The following DEPDC5 variants were observed in gnomAD, a reference collection of about 807,000 sequenced individuals.
DEPDC5 encodes GATOR1 complex protein DEPDC5.
In DEPDC5, 73 loss-of-function variants were observed where a neutral mutation model predicts 217.3. The observed-to-expected ratio is 0.34, with a 90% CI of 0.28 to 0.41. DEPDC5 has a LOEUF of 0.41. DEPDC5 is among the 10% of genes least tolerant of loss of function. DEPDC5 has a pLI of 1.00. For missense variants in DEPDC5, 1,675 were observed against 2,070.1 expected (o/e 0.81, Z 3.70); for synonymous variants, 733 against 756.7 (o/e 0.97, Z 0.51).
chr22:31,797,504 C>A, intron 12 of DEPDC5, 96 bp from the exon 13 acceptor site: 1 of 985,182 alleles, frequency 1.0e-6, no homozygotes, highest in Non-Finnish European at 1.6e-6. Context: ...TCCCTCGACA[C>A]ATGGGTATTA....
intron 28 of DEPDC5, 47 bp from the exon 29 acceptor site, chr22:31,843,598 T>A: frequency 6.4e-7 from 1 of 1,566,660 alleles, no homozygotes; most frequent in Non-Finnish European, 8.7e-7. Context: ...TGGCAGGAAT[T>A]TGTCTCTAAC....
chr22:31,846,825 C>G lies in DEPDC5; in HGVS notation c.3022-9C>G. ...GGCTGATGGCCTTGTCTCCTCTTCT[C>G]TGCTTTAGAAAGGGACCGCCATGAA... On this transcript the variant is annotated splice_polypyrimidine_tract_variant and intron_variant, in intron 30 of 42. Coordinates refer to ENST00000651528, the MANE Select transcript of DEPDC5 (RefSeq NM_001242896.3). The G allele has an allele frequency of 6.2e-7, 1 of 1,614,220 alleles. No homozygotes were observed. The highest frequency in any genetic ancestry group is 2.2e-5 in the East Asian group (1 of 44,886).
chr22:31,891,235 C>T (rs1021706298), intron 38 of DEPDC5: 13 of 581,936 alleles, frequency 2.2e-5, no homozygotes, highest in African/African-American at 5.7e-5. Flanking sequence ...TCGACAATAA[C>T]GTGTTCTAGT....
chr22:31,819,357 T>G (rs1406654853), intron 22 of DEPDC5, 132 bp downstream of exon 22: 3 of 922,344 alleles, frequency 3.3e-6, no homozygotes, highest in Admixed American at 2.4e-5. Flanking sequence ...CATGCCCACT[T>G]TGGCCATCCC....
intron 38 of DEPDC5, among the ~76,000 whole-genome samples, chr22:31,891,968 A>G (rs1438364007): frequency 4.6e-5 from 7 of 152,214 alleles, no homozygotes; most frequent in African/African-American, 1.4e-4. Flanking sequence ...TAGGATGAGT[A>G]AGCTTGGTAC....
intron 33 of DEPDC5, among the ~76,000 whole-genome samples, chr22:31,864,813 C>T (rs1435741600): frequency 1.3e-5 from 2 of 152,062 alleles, no homozygotes; most frequent in Admixed American, 1.3e-4. Flanking sequence ...CTCAGCCTCC[C>T]AGGTAGCTAG....
At chr22:31,804,718 G>A in intron 16 of DEPDC5, 124 bp from the exon 17 acceptor site, 1 of 898,428 alleles carries the variant, frequency 1.1e-6, no homozygotes, top group South Asian at 1.6e-5. Context: ...GGGATTACAG[G>A]CATGACCCAC....
chr22:31,856,155 GCA>G (rs136863), intron 31 of DEPDC5, among the ~76,000 whole-genome samples: 1,478 of 140,616 alleles, frequency 0.011, 15 homozygotes, highest in Admixed American at 0.019. Flanking sequence ...GGGCCAACGC[GCA>G]CACACACACA....
rs753311813 is a variant in DEPDC5 at position 31,760,364 on chromosome 22, G to A, written c.147-292G>A. Among the ~76,000 whole-genome samples, 24 of 151,760 alleles carry A rather than the reference G, an allele frequency of 1.6e-4. 1 individual carries two copies. The highest frequency in any genetic ancestry group is 2.9e-4 in the Non-Finnish European group (20 of 67,946). On this transcript the variant is annotated intron_variant, in intron 3 of 42. Coordinates refer to ENST00000651528, the MANE Select transcript of DEPDC5 (RefSeq NM_001242896.3). The stretch of plus-strand genomic sequence containing the variant: ...ATTACAGGCATGAGCCACCACACCC[G>A]GCCTAATTTTTTCTATTTTTTAGTA...
chr22:31,774,187 G>C (rs971814389), intron 7 of DEPDC5, among the ~76,000 whole-genome samples: 1 of 151,086 alleles, frequency 6.6e-6, no homozygotes, highest in African/African-American at 2.4e-5. Flanking sequence ...ACCCTAGCCT[G>C]TTGGATCACA....
At chr22:31,797,750 G>A (rs147261373) in intron 13 of DEPDC5, 47 bp downstream of exon 13, 18 of 1,413,104 alleles carry the variant, frequency 1.3e-5, no homozygotes, top group Non-Finnish European at 1.7e-5. Context: ...AGGAAGTGTA[G>A]GAGGGGTCTG....
In DEPDC5 at chr22:31,819,298, G is replaced by A. The variant is rs965874147; in HGVS notation, c.1870+73G>A. ...CTGGTCCTCAGTGTCGGTCACCCAT[G>A]TGTCCTTGGTCAGGTGCCTCTGTTG... On this transcript the variant is annotated intron_variant, in intron 22 of 42. Transcript: ENST00000651528. 2.6e-6 allele frequency: 4 copies of A among 1,536,322 alleles called. No individual in the cohort carries two copies. In the African/African-American group the frequency reaches 5.5e-5, roughly 21 times the overall value.
At chr22:31,880,037 G>T (rs1210427167) in intron 38 of DEPDC5, 11 of 417,298 alleles carry the variant, frequency 2.6e-5, no homozygotes, top group South Asian at 2.0e-4. Flanking sequence ...CAATTTTCCC[G>T]AGGGTTCTGT....
chr22:31,769,020 G>T, intron 7 of DEPDC5, 157 bp downstream of exon 7: 1 of 875,998 alleles, frequency 1.1e-6, no homozygotes, highest in East Asian at 2.8e-5. Flanking sequence ...TAGCACTTTG[G>T]GAGGCCAAGG....
rs536178475 is a variant in DEPDC5, at chr22:31,778,472, G to C, written c.483+304G>C. 9.9e-5 allele frequency among the ~76,000 whole-genome samples: 15 copies of C among 152,238 alleles called. 1 individual carries two copies. The highest frequency in any genetic ancestry group is 9.8e-4 in the Admixed American group (15 of 15,280). On this transcript the variant is annotated intron_variant, in intron 8 of 42. Coordinates refer to ENST00000651528, the MANE Select transcript of DEPDC5 (RefSeq NM_001242896.3). ...TCACTGCACTCCAGCCTGGGCAACA[G>C]AGCAAGACCCCATCTCAAAAACAAA...
chr22:31,825,878 G>A (rs1442081535), intron 24 of DEPDC5, among the ~76,000 whole-genome samples: 2 of 152,156 alleles, frequency 1.3e-5, no homozygotes, highest in Non-Finnish European at 2.9e-5. Flanking sequence ...TACTGCAGGT[G>A]GAAAGAGCGC....
intron 24 of DEPDC5, chr22:31,826,410 A>G: frequency 5.0e-6 from 2 of 400,520 alleles, no homozygotes; most frequent in South Asian, 3.8e-5. Flanking sequence ...TCATTACAAT[A>G]ACATATTTTG....
chr22:31,811,927 C>T (rs916817722), intron 20 of DEPDC5, among the ~76,000 whole-genome samples: 1 of 152,120 alleles, frequency 6.6e-6, no homozygotes, highest in African/African-American at 2.4e-5. Context: ...CACTCTCTAC[C>T]CCAGAGTTAC....
rs114274366 is a variant in DEPDC5 at position 31,877,838 on chromosome 22, G to A, written c.3805+1573G>A. 5.9e-3 allele frequency among the ~76,000 whole-genome samples: 888 copies of A among 151,010 alleles called. 5 individuals are homozygous for A. Among genetic ancestry groups the A allele is most frequent in the Middle Eastern group, 0.018 (5 of 280 alleles). On this transcript the variant is annotated intron_variant, in intron 37 of 42. Coordinates refer to ENST00000651528, the MANE Select transcript of DEPDC5 (RefSeq NM_001242896.3). ...CCTATAGCAAAAGGGGACCTTGCCT[G>A]TTCTGGAAGTGACTCCTATCCTGCA...
Sources: allele counts gnomAD v4.1 joint callset (sites outside exome capture counted in the v4.1 genomes callset), GRCh38; gene constraint gnomAD v4.1.1; transcripts MANE v1.5; gene names NCBI Gene and HGNC (gene_info 2026-07-23, HGNC 2026-07-21).